The following SOS1 variants were observed in gnomAD, a reference collection of about 807,000 sequenced individuals.
SOS1 encodes the protein SOS Ras/Rac guanine nucleotide exchange factor 1, also known as son of sevenless homolog 1.
Under a neutral mutation model 157.6 loss-of-function variants are expected in SOS1, and 25 were observed. That is an observed-to-expected ratio of 0.16 (90% CI 0.12 to 0.22). SOS1 has a LOEUF of 0.22. Ranked by LOEUF, SOS1 falls within the 10% of genes least tolerant of loss-of-function variation. SOS1 has a pLI of 1.00. For synonymous variants in SOS1, 528 were observed against 534.0 expected, an observed-to-expected ratio of 0.99 and a Z score of 0.16; for missense variants, 1,237 against 1,599.1, an observed-to-expected ratio of 0.77 and a Z score of 3.86.
chr2:39,120,449 GGA>G lies in SOS1; in HGVS notation c.-29_-28del. 1 of 1,554,438 alleles carries G rather than the reference GGA, an allele frequency of 6.4e-7. No homozygotes were observed. Among genetic ancestry groups the G allele is most frequent in the Non-Finnish European group, 8.7e-7 (1 of 1,152,582 alleles). On this transcript the variant is annotated 5_prime_UTR_variant, in exon 1 of 23. Coordinates refer to ENST00000402219, the MANE Select transcript of SOS1 (RefSeq NM_005633.4). ...GTGCCCCCGGGGCGCCTCTGGGCGG[GGA>G]GAGGGGCGGCGGCGGCCGGGCCAGG...
At chr2:39,090,121 C>G (rs1036312285) in intron 1 of SOS1, among the ~76,000 whole-genome samples, 1 of 128,158 alleles carries the variant, frequency 7.8e-6, no homozygotes, top group Admixed American at 8.7e-5. Flanking sequence ...GTCTGGGCAA[C>G]AGAGTGAGAC....
chr2:39,079,062 C>CAAAAAAA (rs10608351), intron 1 of SOS1, among the ~76,000 whole-genome samples: 1 of 39,990 alleles, frequency 2.5e-5, no homozygotes. Flanking sequence ...CTCTGTCTCC[C>CAAAAAAA]AAAAAAAAAA....
At chr2:39,039,939 GCTT>G (rs1467315140) in intron 6 of SOS1, among the ~76,000 whole-genome samples, 2 of 152,134 alleles carry the variant, frequency 1.3e-5, no homozygotes, top group African/African-American at 2.4e-5. Context: ...TTTGTGACTG[GCTT>G]CTTGTGTTCA....
intron 1 of SOS1, among the ~76,000 whole-genome samples, chr2:39,093,247 C>G (rs1672653018): frequency 6.6e-6 from 1 of 152,186 alleles, no homozygotes; most frequent in Non-Finnish European, 1.5e-5. Flanking sequence ...TTTCCTATTT[C>G]TATCATATTT....
chr2:39,105,892 T>G (rs1045530009), intron 1 of SOS1, among the ~76,000 whole-genome samples: 4 of 151,064 alleles, frequency 2.6e-5, no homozygotes, highest in African/African-American at 9.8e-5. Context: ...AGGGTGAGAC[T>G]CTGTCTCAAA....
At chr2:39,121,206 G>T (rs986401088), upstream of SOS1, among the ~76,000 whole-genome samples, 2 of 152,164 alleles carry the variant, frequency 1.3e-5, no homozygotes, top group Non-Finnish European at 2.9e-5. Context: ...AGGGGCGAAG[G>T]GGCCCGAGAA....
intron 1 of SOS1, among the ~76,000 whole-genome samples, chr2:39,089,807 ACT>A (rs1040159260): frequency 2.6e-5 from 4 of 151,608 alleles, no homozygotes; most frequent in African/African-American, 9.7e-5. Context: ...TCTGAATCTC[ACT>A]CTTTTTATTG....
At chr2:39,060,934 G>GA (rs5830556) in intron 2 of SOS1, among the ~76,000 whole-genome samples, 12,022 of 140,168 alleles carry the variant, frequency 0.086, 1,471 homozygotes, top group African/African-American at 0.27. Context: ...ACATGTCTTT[G>GA]AAAAAAAAAA....
At chr2:39,012,956 A>G (rs535095917) in intron 13 of SOS1, among the ~76,000 whole-genome samples, 2 of 152,316 alleles carry the variant, frequency 1.3e-5, no homozygotes, top group East Asian at 3.9e-4. Flanking sequence ...TAAAACTAGA[A>G]GGAAAACCTT....
intron 8 of SOS1, chr2:39,034,996 C>CA: frequency 1.6e-6 from 1 of 618,656 alleles, no homozygotes. Context: ...AAACAAAAAA[C>CA]AAAAAAATTA....
At chr2:39,111,181 C>T (rs1232759250) in intron 1 of SOS1, among the ~76,000 whole-genome samples, 2 of 151,994 alleles carry the variant, frequency 1.3e-5, no homozygotes, top group South Asian at 2.1e-4. Flanking sequence ...TACAGTGAGA[C>T]GAGATTGTGC....
intron 6 of SOS1, among the ~76,000 whole-genome samples, chr2:39,048,358 T>C (rs564823350): frequency 2.0e-5 from 3 of 152,172 alleles, no homozygotes; most frequent in Non-Finnish European, 4.4e-5. Context: ...ATTCTAATTA[T>C]AGTTCCTTCG....
In SOS1 at chr2:39,035,233, G is replaced by A. The variant is rs1249684717; in HGVS notation, c.1053C>T (p.Leu351=). 4 of 1,612,254 alleles carry A rather than the reference G, an allele frequency of 2.5e-6. No individual in the cohort carries two copies. Among genetic ancestry groups the A allele is most frequent in the Admixed American group, 1.7e-5 (1 of 60,004 alleles). ...RLLLAPVYHC[L]HYFELLKQLE... ...TTACCTTCAAAAGTTCAAAGTAATGGAGACAGTGGTAAACAGGGGCCAGAA... is the reference window on the plus strand; with the variant it reads ...TTACCTTCAAAAGTTCAAAGTAATGAAGACAGTGGTAAACAGGGGCCAGAA... The change falls in exon 8 of 23, where the codon CTC becomes CTT. Residue 351 remains leucine, a synonymous_variant. Transcript: ENST00000402219.
chr2:38,996,709 C>T (rs1431253072), intron 19 of SOS1, among the ~76,000 whole-genome samples: 1 of 152,100 alleles, frequency 6.6e-6, no homozygotes, highest in African/African-American at 2.4e-5. Flanking sequence ...AATATTTGCT[C>T]AATTTCATCA....
chr2:39,103,295 A>T (rs1673042375), intron 1 of SOS1, among the ~76,000 whole-genome samples: 1 of 152,200 alleles, frequency 6.6e-6, no homozygotes, highest in African/African-American at 2.4e-5. Flanking sequence ...TCTTGCAGAA[A>T]CGGAAATGCT....
chr2:39,046,518 T>C (rs1323442850), intron 6 of SOS1, among the ~76,000 whole-genome samples: 1 of 113,020 alleles, frequency 8.8e-6, no homozygotes, highest in Non-Finnish European at 1.9e-5. Flanking sequence ...TTTTTTTTTT[T>C]TTTTGAGACG....
chr2:39,106,677 A>G (rs773229137), intron 1 of SOS1, among the ~76,000 whole-genome samples: 7 of 151,904 alleles, frequency 4.6e-5, no homozygotes, highest in African/African-American at 7.3e-5. Flanking sequence ...TTTCCCATGT[A>G]TATCTCCACT....
At chr2:39,108,734 T>A (rs913059664) in intron 1 of SOS1, among the ~76,000 whole-genome samples, 4 of 151,772 alleles carry the variant, frequency 2.6e-5, no homozygotes, top group South Asian at 2.1e-4. Flanking sequence ...ACAAAAAAAA[T>A]TTTTAAAAAT....
chr2:39,016,713 CT>C (rs1221213923), intron 10 of SOS1, among the ~76,000 whole-genome samples: 5 of 152,014 alleles, frequency 3.3e-5, no homozygotes, highest in African/African-American at 9.7e-5. Flanking sequence ...TGCCCTCTCC[CT>C]TTTTAAAGGA....
Sources: gnomAD v4.1 joint callset for allele counts (sites outside exome capture counted in the v4.1 genomes callset) on GRCh38, gnomAD v4.1.1 for gene constraint, MANE v1.5 for transcripts, NCBI Gene and HGNC (gene_info 2026-07-23, HGNC 2026-07-21) for gene names.